FBXL2: variants seen among roughly 807,000 people sequenced by gnomAD.
FBXL2 encodes the protein F-box/LRR-repeat protein 2.
FBXL2 carries 38 observed loss-of-function variants against 69.2 expected under a neutral mutation model. That is an observed-to-expected ratio of 0.55 (90% CI 0.42 to 0.72). The LOEUF (loss-of-function observed/expected upper bound fraction) is 0.72. Among genes scored for constraint, FBXL2 ranks in the 30% least tolerant of loss-of-function variants. FBXL2 has a pLI of 0.00. For missense variants in FBXL2, 354 were observed against 520.3 expected (o/e 0.68, Z 3.11); for synonymous variants, 192 against 201.3 (o/e 0.95, Z 0.39).
chr3:33,372,939 A>T, intron 5 of FBXL2, 153 bp from the exon 6 acceptor site: 1 of 693,732 alleles, frequency 1.4e-6, no homozygotes, highest in Non-Finnish European at 2.6e-6. Context: ...TAGATCTATC[A>T]TCAGAATCTG....
chr3:33,303,201 T>G (rs1315951170), intron 2 of FBXL2: 1 of 456,250 alleles, frequency 2.2e-6, no homozygotes, highest in African/African-American at 2.0e-5. Context: ...AATTTCAAAT[T>G]TAAGCATCTA....
intron 2 of FBXL2, among the ~76,000 whole-genome samples, chr3:33,321,623 T>C (rs1228121312): frequency 6.6e-6 from 1 of 152,212 alleles, no homozygotes; most frequent in Non-Finnish European, 1.5e-5. Context: ...AGAAATTTGT[T>C]GTTAGGCAAT....
At chr3:33,317,123 C>T (rs1488783499) in intron 2 of FBXL2, among the ~76,000 whole-genome samples, 5 of 152,038 alleles carry the variant, frequency 3.3e-5, no homozygotes, top group Non-Finnish European at 2.9e-5. Flanking sequence ...GTCTTGAACT[C>T]CTAGCCTTAA....
intron 5 of FBXL2, among the ~76,000 whole-genome samples, chr3:33,370,780 TA>T (rs2042249310): frequency 6.6e-6 from 1 of 152,086 alleles, no homozygotes; most frequent in South Asian, 2.1e-4. Flanking sequence ...CACGCATGGC[TA>T]ATCTGTCACT....
At chr3:33,370,413 G>A (rs534921706) in intron 5 of FBXL2, among the ~76,000 whole-genome samples, 5 of 94,138 alleles carry the variant, frequency 5.3e-5, no homozygotes, top group South Asian at 6.8e-4. Context: ...GCGAGACTCC[G>A]TCTCAAAAAA....
chr3:33,418,013 T>TAAAAAACACTAAAAAACACTAAAAAAAA, the FBXL2 span, among the ~76,000 whole-genome samples: 1 of 152,308 alleles, frequency 6.6e-6, no homozygotes, highest in Middle Eastern at 3.4e-3. Flanking sequence ...AAAACACCTG[T>TAAAAAACACTAAAAAACACTAAAAAAAA]ATGGGAAGAG....
intron 10 of FBXL2, 64 bp downstream of exon 10, chr3:33,375,482 CT>C: frequency 3.2e-6 from 5 of 1,580,616 alleles, no homozygotes; most frequent in African/African-American, 2.7e-5. Context: ...AGAGGGCTTC[CT>C]TCAGGAGAGG....
intron 1 of FBXL2, among the ~76,000 whole-genome samples, chr3:33,296,395 A>G (rs1009305161): frequency 3.9e-5 from 6 of 152,138 alleles, no homozygotes; most frequent in Non-Finnish European, 7.4e-5. Context: ...AGTCCAGTTT[A>G]TCAATTTTTT....
chr3:33,317,510 A>C (rs2037813704), intron 2 of FBXL2: 1 of 456,510 alleles, frequency 2.2e-6, no homozygotes, highest in African/African-American at 2.0e-5. Flanking sequence ...TAAACAATAA[A>C]ACTTGTAAAA....
At chr3:33,344,041 A>ACAATTAATATCTAACAATCAGTTT (rs2040261374) in intron 2 of FBXL2, among the ~76,000 whole-genome samples, 1 of 152,010 alleles carries the variant, frequency 6.6e-6, no homozygotes, top group Admixed American at 6.5e-5. Context: ...TATTGGATAT[A>ACAATTAATATCTAACAATCAGTTT]CAATTAATAT....
chr3:33,383,892 T>C, intron 13 of FBXL2, 97 bp from the exon 14 acceptor site: 1 of 1,130,020 alleles, frequency 8.8e-7, no homozygotes, highest in South Asian at 1.3e-5. Flanking sequence ...GTCATCCCAT[T>C]GCAGAAGGGC....
chr3:33,297,051 C>A (rs910576884), intron 1 of FBXL2, among the ~76,000 whole-genome samples: 5 of 152,022 alleles, frequency 3.3e-5, no homozygotes, highest in Non-Finnish European at 7.4e-5. Flanking sequence ...TTTATTTAAG[C>A]CTTCTTTAAT....
At chr3:33,292,890 G>C (rs552850006) in intron 1 of FBXL2, among the ~76,000 whole-genome samples, 1 of 152,162 alleles carries the variant, frequency 6.6e-6, no homozygotes, top group Admixed American at 6.5e-5. Context: ...ATTGTTACAT[G>C]AGACAAAGGT....
At chr3:33,392,509 A>G, downstream of FBXL2, 1 of 1,498,458 alleles carries the variant, frequency 6.7e-7, no homozygotes, top group Non-Finnish European at 9.1e-7. Flanking sequence ...AATTAGAGGC[A>G]CACACCATCT....
intron 13 of FBXL2, among the ~76,000 whole-genome samples, chr3:33,381,043 C>A (rs1299795899): frequency 1.3e-5 from 2 of 152,160 alleles, no homozygotes; most frequent in Admixed American, 1.3e-4. Flanking sequence ...ATATAGAAGG[C>A]CCCACTGCTG....
the FBXL2 span, among the ~76,000 whole-genome samples, chr3:33,411,324 A>T: frequency 6.6e-6 from 1 of 152,346 alleles, no homozygotes; most frequent in Non-Finnish European, 1.5e-5. Context: ...CATGAAAAAT[A>T]GACATTTTCA....
intron 2 of FBXL2, among the ~76,000 whole-genome samples, chr3:33,331,795 ATAAC>A (rs1384195194): frequency 6.6e-6 from 1 of 152,188 alleles, no homozygotes; most frequent in Admixed American, 6.5e-5. Flanking sequence ...AGTGGATTAA[ATAAC>A]TATTAGATCA....
At chr3:33,285,211 C>G (rs1208598214) in intron 1 of FBXL2, among the ~76,000 whole-genome samples, 1 of 152,208 alleles carries the variant, frequency 6.6e-6, no homozygotes, top group Non-Finnish European at 1.5e-5. Flanking sequence ...GCACTTCCTT[C>G]AGGAGCTCTT....
intron 2 of FBXL2, among the ~76,000 whole-genome samples, chr3:33,349,507 G>A (rs1236612045): frequency 6.6e-6 from 1 of 152,148 alleles, no homozygotes; most frequent in Non-Finnish European, 1.5e-5. Context: ...TGGTTTGTTA[G>A]TATTTTGTTG....
Sources: allele counts gnomAD v4.1 joint callset (sites outside exome capture counted in the v4.1 genomes callset), GRCh38; gene constraint gnomAD v4.1.1; transcripts MANE v1.5; gene names NCBI Gene and HGNC (gene_info 2026-07-23, HGNC 2026-07-21).